Variants in SMPDL3A observed in about 807,000 individuals in gnomAD.
SMPDL3A encodes the protein cyclic GMP-AMP phosphodiesterase SMPDL3A.
A neutral mutation model predicts 38.5 loss-of-function variants in SMPDL3A; 39 were observed. That is an observed-to-expected ratio of 1.01 (90% CI 0.78 to 1.32). The LOEUF is 1.32. Ranked by LOEUF, SMPDL3A falls within the 40% of genes most tolerant of loss-of-function variation. The pLI is 0.00. For missense variants in SMPDL3A, 502 were observed against 536.2 expected, an observed-to-expected ratio of 0.94 and a Z score of 0.63; for synonymous variants, 180 against 194.3, an observed-to-expected ratio of 0.93 and a Z score of 0.61.
chr6:122,791,497 T>A (rs1318253629), intron 1 of SMPDL3A, among the ~76,000 whole-genome samples: 1 of 152,200 alleles, frequency 6.6e-6, no homozygotes, highest in Admixed American at 6.5e-5. Flanking sequence ...ATTCATATAC[T>A]GCTGAGTGTT....
At chr6:122,795,938 T>G in intron 2 of SMPDL3A, 48 bp downstream of exon 2, 1 of 1,333,328 alleles carries the variant, frequency 7.5e-7, no homozygotes, top group Non-Finnish European at 1.1e-6. Context: ...TTATTTACAG[T>G]GTCCTAAGCT....
intron 1 of SMPDL3A, among the ~76,000 whole-genome samples, chr6:122,794,223 T>C (rs1369905481): frequency 1.3e-5 from 2 of 152,176 alleles, no homozygotes; most frequent in Non-Finnish European, 2.9e-5. Context: ...AAATTGCTTA[T>C]CACAGTGCCT....
rs777206279 is a variant in SMPDL3A at position 122,809,199 on chromosome 6, C to A, written c.1153C>A (p.Pro385Thr). The A allele has an allele frequency of 6.2e-7, 1 of 1,614,088 alleles. No homozygotes were observed. Among genetic ancestry groups the A allele is most frequent in the Non-Finnish European group, 8.5e-7 (1 of 1,180,006 alleles). Residue 385 changes from proline to threonine, a missense_variant, in exon 8 of 8, where the codon CCG (proline) becomes ACG (threonine). Coordinates refer to ENST00000368440, the MANE Select transcript of SMPDL3A (RefSeq NM_006714.5). ...TQTYDIEDLQ[P>T]ESLYGLAKQF... ...GACCTACGACATTGAAGATTTGCAG[C>A]CGGAAAGTTTATATGGATTAGCTAA...
chr6:122,789,513 C>T (rs1412621693), intron 1 of SMPDL3A, 55 bp downstream of exon 1: 4 of 1,426,886 alleles, frequency 2.8e-6, no homozygotes. Flanking sequence ...GGAGCGGCGG[C>T]GCCTGCGCAC....
intron 1 of SMPDL3A, among the ~76,000 whole-genome samples, chr6:122,792,071 A>G (rs1207952037): frequency 6.6e-6 from 1 of 152,224 alleles, no homozygotes; most frequent in African/African-American, 2.4e-5. Context: ...GAACTAGGAA[A>G]CATGGATTGG....
At chr6:122,794,505 A>G (rs1781179430) in intron 1 of SMPDL3A, among the ~76,000 whole-genome samples, 2 of 152,112 alleles carry the variant, frequency 1.3e-5, no homozygotes, top group South Asian at 2.1e-4. Context: ...GCTGAGGCAG[A>G]AGAATCGCTT....
chr6:122,798,089 C>T (rs1781310631), intron 3 of SMPDL3A, among the ~76,000 whole-genome samples: 1 of 152,222 alleles, frequency 6.6e-6, no homozygotes, highest in Admixed American at 6.5e-5. Flanking sequence ...TCTTCCATCT[C>T]ATGTCAAATG....
intron 7 of SMPDL3A, among the ~76,000 whole-genome samples, chr6:122,808,642 C>CCTT (rs1243073694): frequency 1.9e-5 from 1 of 53,084 alleles, no homozygotes; most frequent in Non-Finnish European, 3.8e-5. Context: ...TTCCTTCCTT[C>CCTT]CCCCCCTCCT....
At position 122,789,351 on chromosome 6, in the gene SMPDL3A, C is replaced by T. The variant is rs1470101349; in HGVS notation, c.5C>T (p.Ala2Val). The T allele has an allele frequency of 1.9e-6, 3 of 1,545,266 alleles. No homozygotes were observed. The highest frequency in any genetic ancestry group is 2.5e-5 in the East Asian group (1 of 40,790). Reference sequence around the variant, plus strand: ...AGGTCAGCCCCGCGGCCCTCCATGGCGCTGGTGCGCGCACTCGTCTGCTGC... The same window carrying T: ...AGGTCAGCCCCGCGGCCCTCCATGGTGCTGGTGCGCGCACTCGTCTGCTGC... M[A>V]LVRALVCCLL... The change falls in exon 1 of 8, where the codon GCG (alanine) becomes GTG (valine). Residue 2 changes from alanine (A) to valine (V), a missense_variant. By Grantham distance (64) the Ala-to-Val change is moderately conservative. Coordinates refer to ENST00000368440, the MANE Select transcript of SMPDL3A (RefSeq NM_006714.5).
At chr6:122,804,876 T>A in intron 5 of SMPDL3A, 33 bp from the exon 6 acceptor site, 1 of 1,567,600 alleles carries the variant, frequency 6.4e-7, no homozygotes. Context: ...GCAGAAAGAT[T>A]CTCATGAGGC....
At chr6:122,807,356 C>T (rs375336124) in intron 7 of SMPDL3A, among the ~76,000 whole-genome samples, 17 of 152,194 alleles carry the variant, frequency 1.1e-4, no homozygotes, top group African/African-American at 4.1e-4. Context: ...AAAGTTAGCT[C>T]GGCGTGGCGG....
chr6:122,792,638 CTTT>C (rs368762743), intron 1 of SMPDL3A, among the ~76,000 whole-genome samples: 13 of 140,766 alleles, frequency 9.2e-5, no homozygotes, highest in African/African-American at 1.0e-4. Flanking sequence ...TCTTCTTCCC[CTTT>C]TTTTTTTTTT....
rs1781776173 is a variant in SMPDL3A, at chr6:122,809,396, G to C, written c.1350G>C (p.Lys450Asn). 6.2e-7 allele frequency: 1 copy of C among 1,603,666 alleles called. No individual in the cohort carries two copies. The highest frequency in any genetic ancestry group is 1.1e-5 in the South Asian group (1 of 90,318). The change falls in exon 8 of 8, where the codon AAG (lysine) becomes AAC (asparagine). Residue 450 changes from lysine (K) to asparagine (N), a missense_variant. Coordinates refer to ENST00000368440, the MANE Select transcript of SMPDL3A (RefSeq NM_006714.5). ...ATTGCCTCAAACAGCTTTATATAAA[G>C]CACAATTACTAGTATTTCACAGTTT... is the stretch of plus-strand genomic sequence containing the variant. Reference protein sequence around the residue: ...YADCLKQLYIKHNY With the variant: ...YADCLKQLYINHNY
At position 122,789,318 on chromosome 6, in the gene SMPDL3A, G is replaced by C. The variant is rs968613226; in HGVS notation, c.-29G>C. The C allele has an allele frequency of 6.7e-7, 1 of 1,494,704 alleles. No individual in the cohort carries two copies. Among genetic ancestry groups the C allele is most frequent in the South Asian group, 1.2e-5 (1 of 81,890 alleles). 92.6% of individuals were successfully genotyped at this position (1,494,704 alleles called of 1,614,324 possible). ...TCCGAGTGGAGCTGCGGGACAGCCC[G>C]AACCTCCAGGTCAGCCCCGCGGCCC... On this transcript the variant is annotated 5_prime_UTR_variant, in exon 1 of 8. Transcript: ENST00000368440.
Position 122,795,804 on chromosome 6 carries a change from G to A in SMPDL3A, c.240G>A (p.Leu80=), listed in dbSNP as rs759528751. Reference sequence around the variant, plus strand: ...ACCCTGGCCCTTTTGGAGATGTTCTGTGTGATTCTCCATATCAACTTATTT... The same window carrying A: ...ACCCTGGCCCTTTTGGAGATGTTCTATGTGATTCTCCATATCAACTTATTT... ...ASNPGPFGDV[L]CDSPYQLILS... The change falls in exon 2 of 8, where the codon CTG becomes CTA. Residue 80 remains leucine, a synonymous_variant. Coordinates refer to ENST00000368440, the MANE Select transcript of SMPDL3A (RefSeq NM_006714.5). 2.1e-5 allele frequency: 34 copies of A among 1,613,934 alleles called. No homozygotes were observed. The highest frequency in any genetic ancestry group is 1.6e-4 in the Middle Eastern group (1 of 6,084).
At chr6:122,808,436 T>G (rs1039280610) in intron 7 of SMPDL3A, among the ~76,000 whole-genome samples, 6 of 152,210 alleles carry the variant, frequency 3.9e-5, no homozygotes, top group African/African-American at 1.4e-4. Context: ...ACACCACTGA[T>G]ACACACAACC....
In SMPDL3A at chr6:122,798,263, C is replaced by T. The variant is rs115121293; in HGVS notation, c.471+1295C>T. On this transcript the variant is annotated intron_variant, in intron 3 of 7. Transcript: ENST00000368440. ...GAGTCCTTTTGAGTCAGCCTGTCAA[C>T]GAGCATTTGTTCCTGTTGATATGTT... Among the ~76,000 whole-genome samples the T allele has an allele frequency of 1.2e-3, 183 of 152,234 alleles. 1 individual carries two copies. Among genetic ancestry groups the T allele is most frequent in the African/African-American group, 4.1e-3 (172 of 41,556 alleles).
In SMPDL3A at chr6:122,796,902, C is replaced by A; in HGVS notation, c.405C>A (p.Thr135=). 1 of 1,612,748 alleles carries A rather than the reference C, an allele frequency of 6.2e-7. No individual in the cohort carries two copies. The highest frequency in any genetic ancestry group is 8.5e-7 in the Non-Finnish European group (1 of 1,178,850). Residue 135 remains threonine, a synonymous_variant, in exon 3 of 8, where the codon ACC becomes ACA. Transcript: ENST00000368440. ...VINVITNMTT[T]IQSLFPNLQV... ...ATGTGATCACTAATATGACAACCAC[C>A]ATCCAGAGTCTCTTTCCAAATCTCC... is the stretch of plus-strand genomic sequence containing the variant.
Position 122,805,070 on chromosome 6 carries a change from G to T in SMPDL3A, c.900G>T (p.Met300Ile), listed in dbSNP as rs774142723. 2 of 1,602,306 alleles carry T rather than the reference G, an allele frequency of 1.2e-6. No individual in the cohort carries two copies. Among genetic ancestry groups the T allele is most frequent in the East Asian group, 4.5e-5 (2 of 44,418 alleles). ...FYGHTHRDSI[M>I]VLSDKKGSPV... ...GACACACTCACAGAGACAGCATTATGGTTCTTTCAGATAAAAAAGGTAATG... is the reference window on the plus strand; with the variant it reads ...GACACACTCACAGAGACAGCATTATTGTTCTTTCAGATAAAAAAGGTAATG... Residue 300 changes from methionine to isoleucine, a missense_variant, in exon 6 of 8, where the codon ATG becomes ATT. Met to Ile is a conservative substitution (Grantham distance 10). Coordinates refer to ENST00000368440, the MANE Select transcript of SMPDL3A (RefSeq NM_006714.5).
Sources: gnomAD v4.1 joint callset for allele counts (sites outside exome capture counted in the v4.1 genomes callset) on GRCh38, gnomAD v4.1.1 for gene constraint, MANE v1.5 for transcripts, NCBI Gene and HGNC (gene_info 2026-07-23, HGNC 2026-07-21) for gene names.